Variants in CTNNBL1 observed in about 807,000 individuals in gnomAD.
CTNNBL1 encodes catenin beta like 1, also known as beta-catenin-like protein 1.
CTNNBL1 carries 31 observed loss-of-function variants against 72.7 expected under a neutral mutation model. The ratio of observed to expected loss-of-function variants is 0.43; its 90% CI spans 0.32 to 0.58. The LOEUF (loss-of-function observed/expected upper bound fraction) is 0.58. CTNNBL1 is among the 20% of genes least tolerant of loss of function. CTNNBL1 has a pLI of 0.08. For synonymous variants in CTNNBL1, 240 were observed against 267.3 expected (o/e 0.90, Z 1.00); for missense variants, 534 against 725.1 (o/e 0.74, Z 3.03).
At chr20:37,866,433 C>T (rs918101517) in intron 15 of CTNNBL1, among the ~76,000 whole-genome samples, 1 of 152,198 alleles carries the variant, frequency 6.6e-6, no homozygotes, top group Non-Finnish European at 1.5e-5. Context: ...TCAGGCAGCT[C>T]TTCCCCTCTC....
At chr20:37,774,186 G>A (rs909047277) in intron 7 of CTNNBL1, among the ~76,000 whole-genome samples, 2 of 152,070 alleles carry the variant, frequency 1.3e-5, no homozygotes, top group Non-Finnish European at 2.9e-5. Context: ...AGTGCTGGGA[G>A]TACAGGTGTG....
chr20:37,714,538 C>G (rs1023224856), intron 1 of CTNNBL1, among the ~76,000 whole-genome samples: 1 of 152,128 alleles, frequency 6.6e-6, no homozygotes, highest in Admixed American at 6.5e-5. Context: ...AAGCCTGATT[C>G]TATTATTTTG....
At chr20:37,810,377 G>C (rs1309908200) in intron 11 of CTNNBL1, among the ~76,000 whole-genome samples, 1 of 152,190 alleles carries the variant, frequency 6.6e-6, no homozygotes, top group Non-Finnish European at 1.5e-5. Flanking sequence ...GCAAGAGCAA[G>C]ACTTGCTTCA....
At chr20:37,702,004 G>A (rs1462963314) in intron 1 of CTNNBL1, among the ~76,000 whole-genome samples, 5 of 152,214 alleles carry the variant, frequency 3.3e-5, no homozygotes, top group Non-Finnish European at 7.3e-5. Context: ...TTGTTTTACA[G>A]TGCTAACAGT....
intron 7 of CTNNBL1, among the ~76,000 whole-genome samples, chr20:37,774,930 C>G (rs142557913): frequency 8.6e-5 from 13 of 151,648 alleles, no homozygotes; most frequent in African/African-American, 2.9e-4. Flanking sequence ...ATGTCAGTGC[C>G]CTTAATCAAA....
At chr20:37,795,634 C>G (rs2122722097) in intron 10 of CTNNBL1, among the ~76,000 whole-genome samples, 2 of 152,308 alleles carry the variant, frequency 1.3e-5, no homozygotes, top group East Asian at 3.9e-4. Flanking sequence ...ATCTCATCTA[C>G]TGTATTTTTC....
At position 37,734,273 on chromosome 20, in the gene CTNNBL1, G is replaced by A. The variant is rs568962571; in HGVS notation, c.219+1206G>A. On this transcript the variant is annotated intron_variant, in intron 2 of 15. Coordinates refer to ENST00000361383, the MANE Select transcript of CTNNBL1 (RefSeq NM_030877.5). ...ACTAGTGCTAATTTGGGGGTCTCCC[G>A]CTAAAAGATGATGGCACTTTAGAAA... Among the ~76,000 whole-genome samples, 32 of 152,308 alleles carry A rather than the reference G, an allele frequency of 2.1e-4. 1 individual carries two copies. Among genetic ancestry groups the A allele is most frequent in the Non-Finnish European group, 4.0e-4 (27 of 68,008 alleles).
chr20:37,777,637 ATT>A lies in CTNNBL1; in HGVS notation c.824-11_824-10del. ...TTAGGTTCATTTTTTTTCTTCCTCTATTTTTTTCCCCTTTAGAAAACAGGGAA... is the reference window on the plus strand; with the variant it reads ...TTAGGTTCATTTTTTTTCTTCCTCTATTTTTCCCCTTTAGAAAACAGGGAA... On this transcript the variant is annotated splice_polypyrimidine_tract_variant and intron_variant, in intron 8 of 15. Transcript: ENST00000361383. The A allele has an allele frequency of 6.2e-7, 1 of 1,611,876 alleles. No individual in the cohort carries two copies. The highest frequency in any genetic ancestry group is 1.1e-5 in the South Asian group (1 of 90,990).
intron 1 of CTNNBL1, among the ~76,000 whole-genome samples, chr20:37,705,162 T>C (rs2072874625): frequency 1.3e-5 from 2 of 152,202 alleles, no homozygotes; most frequent in Non-Finnish European, 2.9e-5. Context: ...ATGGCCTGCA[T>C]TGGAATCTCA....
At chr20:37,758,879 C>T (rs999046175) in intron 5 of CTNNBL1, among the ~76,000 whole-genome samples, 4 of 152,234 alleles carry the variant, frequency 2.6e-5, no homozygotes, top group African/African-American at 9.6e-5. Flanking sequence ...ATGGCTGGGC[C>T]TGGGGTCCCA....
intron 4 of CTNNBL1, chr20:37,751,445 G>A (rs1463350588): frequency 1.3e-5 from 2 of 152,172 alleles, no homozygotes; most frequent in East Asian, 3.9e-4. Flanking sequence ...CATTAACACT[G>A]TTCTTTTCCA....
At chr20:37,815,932 T>C (rs1017495906) in intron 11 of CTNNBL1, among the ~76,000 whole-genome samples, 5 of 152,216 alleles carry the variant, frequency 3.3e-5, no homozygotes, top group African/African-American at 1.2e-4. Context: ...ACTCTTGTAA[T>C]ATTGGATGTG....
At chr20:37,794,596 G>A (rs1020678439) in intron 10 of CTNNBL1, among the ~76,000 whole-genome samples, 2 of 152,064 alleles carry the variant, frequency 1.3e-5, no homozygotes, top group Non-Finnish European at 2.9e-5. Context: ...AGGTTCAAGC[G>A]ATTCTTCTAC....
chr20:37,826,865 A>G (rs572911006), intron 11 of CTNNBL1, among the ~76,000 whole-genome samples: 1 of 152,342 alleles, frequency 6.6e-6, no homozygotes, highest in South Asian at 2.1e-4. Flanking sequence ...TCGTATGTAT[A>G]ATACGTATTT....
chr20:37,787,280 C>T (rs1224653107), intron 10 of CTNNBL1, among the ~76,000 whole-genome samples: 2 of 151,876 alleles, frequency 1.3e-5, no homozygotes, highest in African/African-American at 4.8e-5. Context: ...TGCTACCACA[C>T]ACCTTTACTT....
intron 11 of CTNNBL1, among the ~76,000 whole-genome samples, chr20:37,805,167 G>A (rs999612818): frequency 1.8e-4 from 27 of 152,104 alleles, no homozygotes; most frequent in African/African-American, 6.0e-4. Context: ...GGGTAAGACT[G>A]TGCTCTTTGT....
chr20:37,848,463 T>C (rs1254969950), intron 13 of CTNNBL1, among the ~76,000 whole-genome samples: 2 of 152,140 alleles, frequency 1.3e-5, no homozygotes, highest in African/African-American at 4.8e-5. Flanking sequence ...GCCTAGGCTC[T>C]TCTTTAAACC....
chr20:37,778,249 C>A (rs973978406), intron 9 of CTNNBL1, among the ~76,000 whole-genome samples: 1 of 152,146 alleles, frequency 6.6e-6, no homozygotes, highest in Admixed American at 6.5e-5. Context: ...AAATGTTATT[C>A]TGCTGGCATT....
At chr20:37,758,104 A>G (rs142993101) in intron 5 of CTNNBL1, among the ~76,000 whole-genome samples, 5 of 152,300 alleles carry the variant, frequency 3.3e-5, no homozygotes, top group Admixed American at 2.0e-4. Context: ...GCTTTCACAA[A>G]TGTTTTTCTC....
Sources: gnomAD v4.1 joint callset for allele counts (sites outside exome capture counted in the v4.1 genomes callset) on GRCh38, gnomAD v4.1.1 for gene constraint, MANE v1.5 for transcripts, NCBI Gene and HGNC (gene_info 2026-07-23, HGNC 2026-07-21) for gene names.